Variants in SNX2 observed in about 807,000 individuals in gnomAD.
The protein encoded by SNX2 is sorting nexin 2, also known as sorting nexin-2.
Under a neutral mutation model 69.9 loss-of-function variants are expected in SNX2, and 25 were observed. The observed-to-expected ratio is 0.36, with a 90% CI of 0.26 to 0.50. SNX2 has a LOEUF of 0.50. SNX2 is among the 20% of genes least tolerant of loss of function. SNX2 has a pLI of 0.97. For synonymous variants in SNX2, 229 were observed against 200.4 expected (o/e 1.14, Z -1.20); for missense variants, 551 against 613.3 (o/e 0.90, Z 1.07).
rs761369591 is a variant in SNX2 at position 122,801,943 on chromosome 5, A to C, written c.457+8A>C. ...CAGATCCAGAAAAAGTTGGTGAGTC[A>C]ATACTTATTATATTTTGTATTTACT... On this transcript the variant is annotated splice_region_variant and intron_variant, in intron 4 of 14. Coordinates refer to ENST00000379516, the MANE Select transcript of SNX2 (RefSeq NM_003100.4). 95 of 1,588,474 alleles carry C rather than the reference A, an allele frequency of 6.0e-5. No individual in the cohort carries two copies. Among genetic ancestry groups the C allele is most frequent in the Non-Finnish European group, 8.2e-5 (95 of 1,159,738 alleles).
chr5:122,798,385 G>A (rs1336071349), intron 2 of SNX2, among the ~76,000 whole-genome samples: 1 of 152,104 alleles, frequency 6.6e-6, no homozygotes, highest in Non-Finnish European at 1.5e-5. Context: ...ATATGAAAAA[G>A]TGAAGAGATC....
chr5:122,813,767 CTTTTTTTTTT>C (rs546503535), intron 7 of SNX2, among the ~76,000 whole-genome samples: 3 of 115,364 alleles, frequency 2.6e-5, no homozygotes, highest in African/African-American at 6.6e-5. Flanking sequence ...AGAATATTTC[CTTTTTTTTTT>C]TTTTTTTTTT....
In SNX2 at chr5:122,799,756, T is replaced by C. The variant is rs1367583237; in HGVS notation, c.291T>C (p.Ser97=). 9.3e-6 allele frequency: 15 copies of C among 1,613,884 alleles called. No individual in the cohort carries two copies. Among genetic ancestry groups the C allele is most frequent in the Admixed American group, 1.7e-5 (1 of 60,008 alleles). Residue 97 remains serine, a synonymous_variant, in exon 3 of 15, where the codon TCT becomes TCC. Transcript: ENST00000379516. ...AACCTATCCTATCCTCGGAACCTTC[T>C]CCTGCAGTCACACCTGTCACTCCTA... ...EREPILSSEP[S]PAVTPVTPTT...
chr5:122,776,961 T>C (rs557626660), intron 1 of SNX2, among the ~76,000 whole-genome samples: 1 of 152,362 alleles, frequency 6.6e-6, no homozygotes, highest in Non-Finnish European at 1.5e-5. Flanking sequence ...ATTATTCATC[T>C]CAGCACCTTA....
rs564518978 is a variant in SNX2 at position 122,805,291 on chromosome 5, A to G, written c.643+1678A>G. ...GGGCAGAAGAGCGAGACTCCATCTCAAAAAAAAAAAAAAAAAGAATTTTGC... is the reference window on the plus strand; with the variant it reads ...GGGCAGAAGAGCGAGACTCCATCTCGAAAAAAAAAAAAAAAAGAATTTTGC... On this transcript the variant is annotated intron_variant, in intron 6 of 14. Coordinates refer to ENST00000379516, the MANE Select transcript of SNX2 (RefSeq NM_003100.4). Among the ~76,000 whole-genome samples, 34 of 84,694 alleles carry G rather than the reference A, an allele frequency of 4.0e-4. No individual in the cohort carries two copies. In the East Asian group the frequency reaches 0.019, roughly 47 times the overall value. 55.6% of individuals were successfully genotyped at this position (84,694 alleles called of 152,430 possible).
chr5:122,819,109 A>G (rs1211463953), intron 11 of SNX2, 86 bp downstream of exon 11: 43 of 1,015,028 alleles, frequency 4.2e-5, no homozygotes, highest in Non-Finnish European at 6.2e-5. Context: ...TTACATGTCT[A>G]AATTCCTCCT....
intron 6 of SNX2, among the ~76,000 whole-genome samples, chr5:122,804,882 T>C (rs1274631861): frequency 1.3e-5 from 2 of 152,214 alleles, no homozygotes; most frequent in Non-Finnish European, 2.9e-5. Context: ...ACAGTTTTAG[T>C]ATATGTGCTG....
intron 1 of SNX2, among the ~76,000 whole-genome samples, chr5:122,776,244 A>G (rs1048284285): frequency 1.3e-5 from 2 of 152,126 alleles, no homozygotes; most frequent in South Asian, 2.1e-4. Flanking sequence ...TAAAATATCC[A>G]TTATCTGAAA....
rs141128230 is a variant in SNX2, at chr5:122,786,338, T to G, written c.109-8928T>G. Among the ~76,000 whole-genome samples the G allele has an allele frequency of 2.6e-3, 403 of 152,322 alleles. 1 individual carries two copies. Among genetic ancestry groups the G allele is most frequent in the African/African-American group, 9.4e-3 (390 of 41,568 alleles). ...TAATGGGTATATTTAGGCTATTTAT[T>G]TAATTATTGATGTGGCTAGATTAGA... On this transcript the variant is annotated intron_variant, in intron 1 of 14. Transcript: ENST00000379516.
chr5:122,829,705 C>T lies in SNX2; in HGVS notation c.*57C>T, dbSNP rs957074112. On this transcript the variant is annotated 3_prime_UTR_variant, in exon 15 of 15. Coordinates refer to ENST00000379516, the MANE Select transcript of SNX2 (RefSeq NM_003100.4). ...GATGTTGTTCCAGTTATGCTGGATT[C>T]CACAGTGAAATCATTTAAAACCATC... The T allele has an allele frequency of 7.1e-6, 10 of 1,403,762 alleles. No individual in the cohort carries two copies. In the African/African-American group the frequency reaches 1.4e-4, roughly 20 times the overall value. 87.0% of individuals were successfully genotyped at this position (1,403,762 alleles called of 1,614,324 possible).
chr5:122,809,657 A>G (rs763918770), intron 7 of SNX2, among the ~76,000 whole-genome samples: 1 of 152,126 alleles, frequency 6.6e-6, no homozygotes, highest in Non-Finnish European at 1.5e-5. Context: ...GTTAGGGTGA[A>G]TAGCACAGGT....
At chr5:122,807,740 C>T (rs1237795413) in intron 6 of SNX2, among the ~76,000 whole-genome samples, 2 of 152,136 alleles carry the variant, frequency 1.3e-5, no homozygotes, top group African/African-American at 4.8e-5. Flanking sequence ...CTTTTTCTTT[C>T]AATCATTGTA....
Position 122,834,519 on chromosome 5 carries a change from C to G in SNX2, c.*4871C>G, listed in dbSNP as rs1434198240. On this transcript the variant is annotated 3_prime_UTR_variant, in exon 15 of 15. Coordinates refer to ENST00000379516, the MANE Select transcript of SNX2 (RefSeq NM_003100.4). ...TTTATACATGTAACTTTAATAAAAACTAAGTCAGACAAAATTTAACAAAAC... is the reference window on the plus strand; with the variant it reads ...TTTATACATGTAACTTTAATAAAAAGTAAGTCAGACAAAATTTAACAAAAC... The G allele has an allele frequency of 6.6e-6, 1 of 152,126 alleles. No homozygotes were observed. The highest frequency in any genetic ancestry group is 2.4e-5 in the African/African-American group (1 of 41,436). 9.4% of individuals were successfully genotyped at this position (152,126 alleles called of 1,614,324 possible).
chr5:122,798,932 T>C (rs1753447760), intron 2 of SNX2, among the ~76,000 whole-genome samples: 3 of 152,170 alleles, frequency 2.0e-5, no homozygotes, highest in Non-Finnish European at 4.4e-5. Flanking sequence ...AGTCTTTTAT[T>C]ATTATTTAAC....
chr5:122,825,327 T>C (rs1444149582), intron 11 of SNX2, among the ~76,000 whole-genome samples: 1 of 152,106 alleles, frequency 6.6e-6, no homozygotes, highest in African/African-American at 2.4e-5. Flanking sequence ...ATGAGACTTC[T>C]AATTACACTA....
intron 11 of SNX2, among the ~76,000 whole-genome samples, chr5:122,820,148 C>A (rs1169504992): frequency 6.6e-6 from 1 of 152,144 alleles, no homozygotes; most frequent in African/African-American, 2.4e-5. Context: ...TCACTTCTTA[C>A]CAGAGCACCC....
rs1754313495 is a variant in SNX2 at position 122,832,422 on chromosome 5, T to TAACA, written c.*2775_*2778dup. On this transcript the variant is annotated 3_prime_UTR_variant, in exon 15 of 15. Coordinates refer to ENST00000379516, the MANE Select transcript of SNX2 (RefSeq NM_003100.4). ...GACAAAATGTGTGTAAAAATATGCC[T>TAACA]AACACATAGATTTCCTTGATTGTAT... is the stretch of plus-strand genomic sequence containing the variant. 6.6e-6 allele frequency: 1 copy of TAACA among 152,204 alleles called. No homozygotes were observed. Among genetic ancestry groups the TAACA allele is most frequent in the African/African-American group, 2.4e-5 (1 of 41,466 alleles). 9.4% of individuals were successfully genotyped at this position (152,204 alleles called of 1,614,324 possible). A position where few individuals can be genotyped will look rare whatever the true frequency, so the allele number is the denominator to read the frequency against.
intron 1 of SNX2, among the ~76,000 whole-genome samples, chr5:122,794,617 A>G (rs1753333759): frequency 6.6e-6 from 1 of 152,252 alleles, no homozygotes; most frequent in Non-Finnish European, 1.5e-5. Context: ...TTGAAAATCA[A>G]GGACATGATG....
chr5:122,804,456 C>A (rs1456625442), intron 6 of SNX2, among the ~76,000 whole-genome samples: 1 of 150,832 alleles, frequency 6.6e-6, no homozygotes, highest in East Asian at 2.0e-4. Context: ...ACCTCCGCCT[C>A]CTGGGTTTAA....
Sources: gnomAD v4.1 joint callset for allele counts (sites outside exome capture counted in the v4.1 genomes callset) on GRCh38, gnomAD v4.1.1 for gene constraint, MANE v1.5 for transcripts, NCBI Gene and HGNC (gene_info 2026-07-23, HGNC 2026-07-21) for gene names.